The following SCFD1 variants were observed in gnomAD, a reference collection of about 807,000 sequenced individuals.
SCFD1 encodes sec1 family domain-containing protein 1.
A neutral mutation model predicts 103.2 loss-of-function variants in SCFD1; 37 were observed. The observed-to-expected ratio is 0.36, with a 90% confidence interval of 0.28 to 0.47. SCFD1 has a LOEUF of 0.47. Among genes scored for constraint, SCFD1 ranks in the 20% least tolerant of loss-of-function variants. The probability of loss-of-function intolerance (pLI) is 1.00; values close to 1 mark genes in which losing one functional copy is unlikely to be tolerated. For missense variants in SCFD1, 639 were observed against 761.2 expected, an observed-to-expected ratio of 0.84 and a Z score of 1.89; for synonymous variants, 264 against 245.0, an observed-to-expected ratio of 1.08 and a Z score of -0.73.
chr14:30,733,781 T>A (rs1893646615), intron 23 of SCFD1, among the ~76,000 whole-genome samples: 1 of 152,232 alleles, frequency 6.6e-6, no homozygotes, highest in Non-Finnish European at 1.5e-5. Context: ...AGCCTGGTCA[T>A]GCTGGTCATG....
intron 19 of SCFD1, chr14:30,715,528 G>A (rs1052814103): frequency 6.7e-5 from 10 of 148,934 alleles, no homozygotes; most frequent in East Asian, 6.1e-4. Flanking sequence ...CTGAGATTGC[G>A]CCACTGCACT....
intron 14 of SCFD1, among the ~76,000 whole-genome samples, chr14:30,680,972 C>G (rs1242493674): frequency 6.6e-6 from 1 of 152,164 alleles, no homozygotes; most frequent in African/African-American, 2.4e-5. Context: ...GTGGCTCACA[C>G]CTGTCATCCC....
At chr14:30,635,587 T>G (rs571313119) in intron 4 of SCFD1, among the ~76,000 whole-genome samples, 46 of 152,334 alleles carry the variant, frequency 3.0e-4, no homozygotes, top group Non-Finnish European at 6.0e-4. Context: ...CATGAATTGG[T>G]ACCTTATTCC....
At chr14:30,648,511 A>G (rs1057064109) in intron 7 of SCFD1, among the ~76,000 whole-genome samples, 1 of 152,232 alleles carries the variant, frequency 6.6e-6, no homozygotes, top group African/African-American at 2.4e-5. Context: ...TTTGTAAAAT[A>G]AACAAAAACT....
chr14:30,683,948 C>G (rs1321670314), intron 14 of SCFD1, among the ~76,000 whole-genome samples: 1 of 152,068 alleles, frequency 6.6e-6, no homozygotes, highest in African/African-American at 2.4e-5. Context: ...GGTCATCAAC[C>G]CAGTCATTAG....
chr14:30,722,597 G>T (rs751204159), intron 23 of SCFD1, 38 bp downstream of exon 23: 15 of 1,308,966 alleles, frequency 1.1e-5, no homozygotes, highest in Middle Eastern at 2.2e-4. Context: ...GTTGTTAGAT[G>T]GTTTCATAGG....
chr14:30,648,208 T>C (rs956086888), intron 7 of SCFD1, among the ~76,000 whole-genome samples: 1 of 152,210 alleles, frequency 6.6e-6, no homozygotes, highest in African/African-American at 2.4e-5. Context: ...AATGTTAATT[T>C]AAATTTTTTA....
At chr14:30,723,225 G>A (rs183626503) in intron 23 of SCFD1, among the ~76,000 whole-genome samples, 193 of 151,888 alleles carry the variant, frequency 1.3e-3, no homozygotes, top group African/African-American at 4.4e-3. Flanking sequence ...GAGGGTTATG[G>A]TACAATGAAG....
chr14:30,728,884 A>T (rs1213097271), intron 23 of SCFD1, among the ~76,000 whole-genome samples: 1 of 121,948 alleles, frequency 8.2e-6, no homozygotes, highest in Non-Finnish European at 1.6e-5. Context: ...TCGTTCTGTC[A>T]CCCAGGCTGG....
rs1891278007 is a variant in SCFD1, at chr14:30,703,951, AT to A, written c.1490+1577del. Among the ~76,000 whole-genome samples the A allele has an allele frequency of 2.2e-4, 13 of 58,894 alleles. 1 individual carries two copies. Among genetic ancestry groups the A allele is most frequent in the East Asian group, 2.4e-3 (2 of 820 alleles). 38.6% of individuals were successfully genotyped at this position (58,894 alleles called of 152,430 possible). A position where few individuals can be genotyped will look rare whatever the true frequency, so the allele number is the denominator to read the frequency against. Reference sequence around the variant, plus strand: ...TATATATATATATATATATATATATATATATATATATAAATAATGAGATATC... The same window carrying A: ...TATATATATATATATATATATATATAATATATATATAAATAATGAGATATC... On this transcript the variant is annotated intron_variant, in intron 17 of 24. Transcript: ENST00000458591.
chr14:30,705,805 A>G lies in SCFD1; in HGVS notation c.1491-18A>G, dbSNP rs1415139728. ...GTTCTAATAATTAGCTTTTAAGTAC[A>G]ACTTCCTTCTTTCATAGGGCTTTTA... On this transcript the variant is annotated intron_variant, in intron 17 of 24. Coordinates refer to ENST00000458591, the MANE Select transcript of SCFD1 (RefSeq NM_016106.4). 7.5e-6 allele frequency: 12 copies of G among 1,609,794 alleles called. No individual in the cohort carries two copies. The Admixed American group carries it at 2.0e-4, about 27-fold the overall frequency.
intron 1 of SCFD1, among the ~76,000 whole-genome samples, chr14:30,626,644 GTA>G (rs1227961041): frequency 6.6e-6 from 1 of 152,144 alleles, no homozygotes; most frequent in Non-Finnish European, 1.5e-5. Flanking sequence ...TTGCCACTGA[GTA>G]TACAGTTCTC....
chr14:30,676,579 A>G (rs1169345155), intron 14 of SCFD1: 1 of 151,996 alleles, frequency 6.6e-6, no homozygotes, highest in Non-Finnish European at 1.5e-5. Flanking sequence ...CTCAGGGCCA[A>G]CCATGCCAGG....
chr14:30,622,288 G>T, upstream of SCFD1: 1 of 1,591,068 alleles, frequency 6.3e-7, no homozygotes, highest in Non-Finnish European at 8.5e-7. Context: ...GGGCAGCCAC[G>T]TCATCCCCCC....
chr14:30,657,251 A>G (rs1047790282), intron 10 of SCFD1, among the ~76,000 whole-genome samples: 62 of 152,282 alleles, frequency 4.1e-4, no homozygotes, highest in Non-Finnish European at 1.8e-4. Flanking sequence ...AGGAGATAAG[A>G]CACATGTACA....
intron 1 of SCFD1, among the ~76,000 whole-genome samples, chr14:30,627,179 A>G (rs941082714): frequency 4.9e-4 from 75 of 152,270 alleles, no homozygotes; most frequent in African/African-American, 1.7e-3. Context: ...TTTCTGTAAC[A>G]CTGTTACAGA....
chr14:30,683,281 A>T, intron 14 of SCFD1: 1 of 932,306 alleles, frequency 1.1e-6, no homozygotes, highest in Admixed American at 2.3e-5. Context: ...CTGGGTGTCC[A>T]CACTGGGATA....
chr14:30,628,236 A>G lies in SCFD1; in HGVS notation c.89A>G (p.Asn30Ser), dbSNP rs199677399. The change falls in exon 2 of 25, where the codon AAT (asparagine) becomes AGT (serine). Residue 30 changes from asparagine (N) to serine (S), a missense_variant. By Grantham distance (46) the Asn-to-Ser change is conservative. Transcript: ENST00000458591. ...TVALKRMLNF[N>S]VPHIKNSTGE... ...GCTTTGAAGCGTATGTTGAATTTCAATGTGCCTCATATTAAAAACAGCACA... is the reference window on the plus strand; with the variant it reads ...GCTTTGAAGCGTATGTTGAATTTCAGTGTGCCTCATATTAAAAACAGCACA... 1.5e-5 allele frequency: 24 copies of G among 1,612,162 alleles called. No individual in the cohort carries two copies. Among genetic ancestry groups the G allele is most frequent in the South Asian group, 3.3e-5 (3 of 90,930 alleles).
intron 9 of SCFD1, among the ~76,000 whole-genome samples, chr14:30,652,176 C>A (rs1886455606): frequency 6.6e-6 from 1 of 152,144 alleles, no homozygotes; most frequent in Non-Finnish European, 1.5e-5. Flanking sequence ...TGAGTTAATT[C>A]TATTGCGAAA....
Sources: gnomAD v4.1 joint callset for allele counts (sites outside exome capture counted in the v4.1 genomes callset) on GRCh38, gnomAD v4.1.1 for gene constraint, MANE v1.5 for transcripts, NCBI Gene and HGNC (gene_info 2026-07-23, HGNC 2026-07-21) for gene names.